Variants in SPCS1 observed in about 807,000 individuals in gnomAD.
The protein encoded by SPCS1 is SPase 12 kDa subunit.
Under a neutral mutation model 16.4 loss-of-function variants are expected in SPCS1, and 10 were observed. That is an observed-to-expected ratio of 0.61 (90% CI 0.38 to 1.03). The LOEUF (loss-of-function observed/expected upper bound fraction) is 1.03. SPCS1 is among the 50% of genes least tolerant of loss of function. SPCS1 has a pLI of 0.01. For synonymous variants in SPCS1, 47 were observed against 42.5 expected (o/e 1.10, Z -0.41); for missense variants, 118 against 123.8 (o/e 0.95, Z 0.22).
rs992133632 is a variant in SPCS1, at chr3:52,710,084, C to G, written c.*2272C>G. ...CTAAATAAAAATCTGTTAAGTGTGC[C>G]GGGCGCGGTGGCTCACGCCTGTAAT... is the stretch of plus-strand genomic sequence containing the variant. On this transcript the variant is annotated 3_prime_UTR_variant, in exon 4 of 4. Coordinates refer to ENST00000619898, the MANE Select transcript of SPCS1 (RefSeq NM_014041.5). 2 of 152,250 alleles carry G rather than the reference C, an allele frequency of 1.3e-5. 1 individual carries two copies. The highest frequency in any genetic ancestry group is 4.8e-5 in the African/African-American group (2 of 41,432). 9.4% of individuals were successfully genotyped at this position (152,250 alleles called of 1,614,324 possible). A position where few individuals can be genotyped will look rare whatever the true frequency, so the allele number is the denominator to read the frequency against.
At position 52,707,820 on chromosome 3, in the gene SPCS1, A is replaced by G. The variant is rs1191622879; in HGVS notation, c.*8A>G. ...CATGCTAAAAATAATTGAGGTTTTC[A>G]TGATTCAGCACCTGCTTTTGTTTCT... is the stretch of plus-strand genomic sequence containing the variant. On this transcript the variant is annotated 3_prime_UTR_variant, in exon 4 of 4. Transcript: ENST00000619898. The G allele has an allele frequency of 1.2e-6, 2 of 1,613,830 alleles. No homozygotes were observed. Among genetic ancestry groups the G allele is most frequent in the Non-Finnish European group, 8.5e-7 (1 of 1,179,834 alleles).
chr3:52,707,900 G>C lies in SPCS1; in HGVS notation c.*88G>C. 6.7e-7 allele frequency: 1 copy of C among 1,489,854 alleles called. No individual in the cohort carries two copies. Among genetic ancestry groups the C allele is most frequent in the Non-Finnish European group, 9.3e-7 (1 of 1,074,786 alleles). 92.3% of individuals were successfully genotyped at this position (1,489,854 alleles called of 1,614,324 possible). A position where few individuals can be genotyped will look rare whatever the true frequency, so the allele number is the denominator to read the frequency against. ...CAGATAAGAGCTAAAACCACCTAAT[G>C]CTCTTATGGCACAGCTGTGTATAGA... On this transcript the variant is annotated 3_prime_UTR_variant, in exon 4 of 4. Transcript: ENST00000619898.
rs955955778 is a variant in SPCS1 at position 52,710,191 on chromosome 3, T to TCTC, written c.*2380_*2382dup. 1 of 147,226 alleles carries TCTC rather than the reference T, an allele frequency of 6.8e-6. No individual in the cohort carries two copies. The highest frequency in any genetic ancestry group is 2.5e-5 in the African/African-American group (1 of 40,758). The allele number at this position is 147,226 out of a possible 1,614,324, so 9.1% of individuals were successfully genotyped here. Reference sequence around the variant, plus strand: ...TCCTGGCTAACACGGTGAAACCCTGTCTCTACTAAAAAAATACAAAAAAAT... The same window carrying TCTC: ...TCCTGGCTAACACGGTGAAACCCTGTCTCCTCTACTAAAAAAATACAAAAAAAT... On this transcript the variant is annotated 3_prime_UTR_variant, in exon 4 of 4. Coordinates refer to ENST00000619898, the MANE Select transcript of SPCS1 (RefSeq NM_014041.5).
rs1278003214 is a variant in SPCS1 at position 52,710,929 on chromosome 3, T to C, written c.*3117T>C. 6.6e-6 allele frequency: 1 copy of C among 152,582 alleles called. No individual in the cohort carries two copies. Among genetic ancestry groups the C allele is most frequent in the African/African-American group, 2.4e-5 (1 of 41,442 alleles). The allele number at this position is 152,582 out of a possible 1,614,324, so 9.5% of individuals were successfully genotyped here. Reference sequence around the variant, plus strand: ...AACTAATAAAATATGTGCTATATAATCATACATTTAAAACATGGAAAGACA... The same window carrying C: ...AACTAATAAAATATGTGCTATATAACCATACATTTAAAACATGGAAAGACA... On this transcript the variant is annotated 3_prime_UTR_variant, in exon 4 of 4. Coordinates refer to ENST00000619898, the MANE Select transcript of SPCS1 (RefSeq NM_014041.5).
Position 52,707,956 on chromosome 3 carries a change from C to CA in SPCS1, c.*145dup, listed in dbSNP as rs2097346302. 1 of 1,059,416 alleles carries CA rather than the reference C, an allele frequency of 9.4e-7. No individual in the cohort carries two copies. The allele number at this position is 1,059,416 out of a possible 1,614,324, so 65.6% of individuals were successfully genotyped here. On this transcript the variant is annotated 3_prime_UTR_variant, in exon 4 of 4. Coordinates refer to ENST00000619898, the MANE Select transcript of SPCS1 (RefSeq NM_014041.5). ...TTCTCTTTATACTTCATTTCTAGCC[C>CA]AGTTGGGTTTTGATTTATATAAGTA...
chr3:52,707,536 G>T, intron 3 of SPCS1, 151 bp from the exon 4 acceptor site: 1 of 731,396 alleles, frequency 1.4e-6, no homozygotes, highest in Non-Finnish European at 2.2e-6. Context: ...TTGCATGGAT[G>T]GTGGCACAGA....
intron 1 of SPCS1, 141 bp downstream of exon 1, chr3:52,706,423 G>C: frequency 2.1e-6 from 2 of 961,194 alleles, no homozygotes; most frequent in Non-Finnish European, 3.0e-6. Context: ...TTGCCTCCTG[G>C]GTCCCCTTCT....
At chr3:52,707,600 G>A in intron 3 of SPCS1, 87 bp from the exon 4 acceptor site, 2 of 1,401,980 alleles carry the variant, frequency 1.4e-6, no homozygotes, top group Middle Eastern at 1.8e-4. Flanking sequence ...CTCAGCATAG[G>A]AGTCATTTGG....
rs564947801 is a variant in SPCS1 at position 52,706,641 on chromosome 3, C to T, written c.37-3C>T. 3.7e-6 allele frequency: 6 copies of T among 1,613,812 alleles called. No homozygotes were observed. Among genetic ancestry groups the T allele is most frequent in the Admixed American group, 1.7e-5 (1 of 60,002 alleles). Reference sequence around the variant, plus strand: ...ATTCTTTTTTTCCTCTGCTTCACCCCAGGATTACAAGGGCCAGAAGCTAGC... The same window carrying T: ...ATTCTTTTTTTCCTCTGCTTCACCCTAGGATTACAAGGGCCAGAAGCTAGC... On this transcript the variant is annotated splice_polypyrimidine_tract_variant and splice_region_variant and intron_variant, in intron 1 of 3. Coordinates refer to ENST00000619898, the MANE Select transcript of SPCS1 (RefSeq NM_014041.5).
At position 52,706,889 on chromosome 3, in the gene SPCS1, T is replaced by G. The variant is rs1438642638; in HGVS notation, c.183+10T>G. 6.2e-7 allele frequency: 1 copy of G among 1,608,156 alleles called. No individual in the cohort carries two copies. The highest frequency in any genetic ancestry group is 1.3e-5 in the African/African-American group (1 of 74,744). On this transcript the variant is annotated intron_variant, in intron 3 of 3. Transcript: ENST00000619898. ...TGCTTTTTCATGTTTGGTAAGAAATTTGTGGGTATTAGTGGCAGCTTGGGT... is the reference window on the plus strand; with the variant it reads ...TGCTTTTTCATGTTTGGTAAGAAATGTGTGGGTATTAGTGGCAGCTTGGGT...
intron 1 of SPCS1, 42 bp downstream of exon 1, chr3:52,706,324 C>T (rs2097344694): frequency 6.4e-7 from 1 of 1,574,408 alleles, no homozygotes; most frequent in Non-Finnish European, 8.6e-7. Context: ...CGTTCTTGTG[C>T]CTGGCAGCTT....
rs898114901 is a variant in SPCS1 at position 52,709,665 on chromosome 3, C to T, written c.*1853C>T. 6 of 139,082 alleles carry T rather than the reference C, an allele frequency of 4.3e-5. No individual in the cohort carries two copies. The highest frequency in any genetic ancestry group is 1.7e-4 in the African/African-American group (6 of 35,900). 8.6% of individuals were successfully genotyped at this position (139,082 alleles called of 1,614,324 possible). On this transcript the variant is annotated 3_prime_UTR_variant, in exon 4 of 4. Transcript: ENST00000619898. ...GCAGTGAGCTATGATCACCTCACTG[C>T]ACTCCAGGCTGGGTGACAGAGCAAG...
chr3:52,708,426 A>G lies in SPCS1; in HGVS notation c.*614A>G, dbSNP rs1208455124. 2.0e-5 allele frequency: 3 copies of G among 152,794 alleles called. No individual in the cohort carries two copies. The allele number at this position is 152,794 out of a possible 1,614,324, so 9.5% of individuals were successfully genotyped here. A position where few individuals can be genotyped will look rare whatever the true frequency, so the allele number is the denominator to read the frequency against. On this transcript the variant is annotated 3_prime_UTR_variant, in exon 4 of 4. Transcript: ENST00000619898. ...TTGCTCACTGCTGTCTACCCAGTAC[A>G]TAGAAGAGTACACGATGCATTGTTA...
Position 52,710,884 on chromosome 3 carries a change from G to C in SPCS1, c.*3072G>C, listed in dbSNP as rs1367389067. On this transcript the variant is annotated 3_prime_UTR_variant, in exon 4 of 4. Coordinates refer to ENST00000619898, the MANE Select transcript of SPCS1 (RefSeq NM_014041.5). ...CTTCATAAAATTTCTTTCCTAGATGGGTATTACCTCTTATTAAACAACTAA... is the reference window on the plus strand; with the variant it reads ...CTTCATAAAATTTCTTTCCTAGATGCGTATTACCTCTTATTAAACAACTAA... 6.6e-6 allele frequency: 1 copy of C among 152,210 alleles called. No homozygotes were observed. Among genetic ancestry groups the C allele is most frequent in the Non-Finnish European group, 1.5e-5 (1 of 68,012 alleles). 9.4% of individuals were successfully genotyped at this position (152,210 alleles called of 1,614,324 possible). A position where few individuals can be genotyped will look rare whatever the true frequency, so the allele number is the denominator to read the frequency against.
chr3:52,707,771 C>T lies in SPCS1; in HGVS notation c.268C>T (p.Pro90Ser). ...VQESSTDDKK[P>S]GERKIKRHAK... The stretch of plus-strand genomic sequence containing the variant: ...AGAATCAAGCACAGACGACAAGAAA[C>T]CAGGGGAAAGAAAAATTAAGAGGCA... Residue 90 changes from proline to serine, a missense_variant, in exon 4 of 4, where the codon CCA (proline) becomes TCA (serine). Pro to Ser is a moderately conservative substitution (Grantham distance 74, BLOSUM62 -1). Transcript: ENST00000619898. 1 of 1,613,934 alleles carries T rather than the reference C, an allele frequency of 6.2e-7. No homozygotes were observed. Among genetic ancestry groups the T allele is most frequent in the Non-Finnish European group, 8.5e-7 (1 of 1,179,988 alleles).
Position 52,706,727 on chromosome 3 carries a change from T to C in SPCS1, c.96+24T>C, listed in dbSNP as rs372471984. 672 of 1,611,304 alleles carry C rather than the reference T, an allele frequency of 4.2e-4. 1 individual carries two copies. Among genetic ancestry groups the C allele is most frequent in the Middle Eastern group, 9.9e-4 (6 of 6,062 alleles). On this transcript the variant is annotated intron_variant, in intron 2 of 3. Transcript: ENST00000619898. ...CAGTAAGTATTGGTTTTACATTTAA[T>C]CTCCGCCCCCGCCTCCCTCCCAACC...
chr3:52,708,768 T>G lies in SPCS1; in HGVS notation c.*956T>G, dbSNP rs1441304487. The G allele has an allele frequency of 6.6e-6, 1 of 151,738 alleles. No individual in the cohort carries two copies. Among genetic ancestry groups the G allele is most frequent in the South Asian group, 2.1e-4 (1 of 4,834 alleles). 9.4% of individuals were successfully genotyped at this position (151,738 alleles called of 1,614,324 possible). On this transcript the variant is annotated 3_prime_UTR_variant, in exon 4 of 4. Transcript: ENST00000619898. ...ACAGGAAAAAAAAAACTGCAAGCAG[T>G]AAAGGTTGTGCAGGTGATATTCAGT...
chr3:52,706,718 T>C lies in SPCS1; in HGVS notation c.96+15T>C, dbSNP rs1473889263. ...TTTTTTCTGCAGTAAGTATTGGTTT[T>C]ACATTTAATCTCCGCCCCCGCCTCC... On this transcript the variant is annotated intron_variant, in intron 2 of 3. Coordinates refer to ENST00000619898, the MANE Select transcript of SPCS1 (RefSeq NM_014041.5). 6.2e-7 allele frequency: 1 copy of C among 1,612,814 alleles called. No homozygotes were observed. Among genetic ancestry groups the C allele is most frequent in the Non-Finnish European group, 8.5e-7 (1 of 1,178,940 alleles).
chr3:52,706,935 G>T, intron 3 of SPCS1, 56 bp downstream of exon 3: 1 of 1,267,360 alleles, frequency 7.9e-7, no homozygotes, highest in African/African-American at 1.5e-5. Context: ...GGGTTGGTTT[G>T]GTTAGACCTA....
Sources: gnomAD v4.1 joint callset for allele counts on GRCh38, gnomAD v4.1.1 for gene constraint, MANE v1.5 for transcripts, NCBI Gene and HGNC (gene_info 2026-07-23, HGNC 2026-07-21) for gene names.